Variants in WWOX observed in about 807,000 individuals in gnomAD.
WWOX encodes WW domain-containing oxidoreductase.
WWOX carries 69 observed loss-of-function variants against 46.2 expected under a neutral mutation model. The ratio of observed to expected loss-of-function variants is 1.49; its 90% CI spans 1.23 to 1.82. The LOEUF (loss-of-function observed/expected upper bound fraction) is 1.82, where lower values mean the gene tolerates loss of function less well. WWOX is among the 40% of genes most tolerant of loss of function. The pLI is 0.00. For missense variants in WWOX, 919 were observed against 542.6 expected (o/e 1.69, Z -6.89); for synonymous variants, 359 against 202.6 (o/e 1.77, Z -6.56).
chr16:78,823,908 T>C (rs1418825528), intron 8 of WWOX, among the ~76,000 whole-genome samples: 1 of 152,006 alleles, frequency 6.6e-6, no homozygotes, highest in Non-Finnish European at 1.5e-5. Flanking sequence ...CCCAAGTAGC[T>C]AGGACTACAG....
At chr16:78,795,492 C>G (rs1203507070) in intron 8 of WWOX, among the ~76,000 whole-genome samples, 2 of 121,770 alleles carry the variant, frequency 1.6e-5, no homozygotes, top group Non-Finnish European at 3.8e-5. Flanking sequence ...TCACAAGATC[C>G]TCTACATCAA....
chr16:78,626,093 T>C (rs964451118), intron 8 of WWOX, among the ~76,000 whole-genome samples: 8 of 152,048 alleles, frequency 5.3e-5, no homozygotes, highest in Non-Finnish European at 5.9e-5. Context: ...AATGACTTTT[T>C]TGTGTTCCAG....
At chr16:78,120,840 G>C (rs2033058924) in intron 4 of WWOX, among the ~76,000 whole-genome samples, 1 of 152,070 alleles carries the variant, frequency 6.6e-6, no homozygotes, top group South Asian at 2.1e-4. Flanking sequence ...TGTAGAGAAG[G>C]GTATTCATTC....
At chr16:78,820,596 A>G (rs527307816) in intron 8 of WWOX, among the ~76,000 whole-genome samples, 11 of 152,244 alleles carry the variant, frequency 7.2e-5, no homozygotes, top group South Asian at 2.1e-4. Context: ...TTGAAATATA[A>G]TGACAACCTT....
intron 8 of WWOX, among the ~76,000 whole-genome samples, chr16:79,144,192 A>C (rs926371017): frequency 6.6e-6 from 1 of 152,194 alleles, no homozygotes; most frequent in Non-Finnish European, 1.5e-5. Flanking sequence ...GAGCCACTGC[A>C]CACAGCCAAG....
At chr16:78,793,438 T>A (rs1489445929) in intron 8 of WWOX, among the ~76,000 whole-genome samples, 1 of 152,132 alleles carries the variant, frequency 6.6e-6, no homozygotes, top group Non-Finnish European at 1.5e-5. Context: ...AGAATACAAA[T>A]TGAACATTGA....
intron 8 of WWOX, among the ~76,000 whole-genome samples, chr16:78,966,761 A>T (rs1597215775): frequency 1.3e-5 from 2 of 152,206 alleles, no homozygotes; most frequent in African/African-American, 4.8e-5. Context: ...TATCACTGAA[A>T]ATGGAGGTCT....
chr16:78,191,279 G>C (rs1239413063), intron 5 of WWOX, among the ~76,000 whole-genome samples: 1 of 152,190 alleles, frequency 6.6e-6, no homozygotes, highest in Non-Finnish European at 1.5e-5. Context: ...CTGGTGAACA[G>C]GGTGCAGGCT....
chr16:79,088,669 C>T (rs980351034), intron 8 of WWOX, among the ~76,000 whole-genome samples: 3 of 152,132 alleles, frequency 2.0e-5, no homozygotes, highest in Admixed American at 6.5e-5. Flanking sequence ...AGGGGGGCTC[C>T]TTCTGTGGGT....
chr16:78,982,684 G>C (rs2046706605), intron 8 of WWOX, among the ~76,000 whole-genome samples: 1 of 152,144 alleles, frequency 6.6e-6, no homozygotes, highest in Admixed American at 6.5e-5. Flanking sequence ...TTTTAGACCG[G>C]GCTCCTCAAA....
chr16:78,529,865 C>G (rs1302849700), intron 8 of WWOX, among the ~76,000 whole-genome samples: 1 of 152,194 alleles, frequency 6.6e-6, no homozygotes, highest in African/African-American at 2.4e-5. Context: ...GTAGAATGCA[C>G]TGAAGCAAAA....
chr16:78,408,915 C>T (rs1301741322), intron 6 of WWOX, among the ~76,000 whole-genome samples: 2 of 151,864 alleles, frequency 1.3e-5, no homozygotes, highest in African/African-American at 2.4e-5. Flanking sequence ...AAGCAGGGAA[C>T]AGAAAGTACT....
chr16:78,903,749 T>C (rs2044887447), intron 8 of WWOX, among the ~76,000 whole-genome samples: 1 of 152,182 alleles, frequency 6.6e-6, no homozygotes, highest in Non-Finnish European at 1.5e-5. Flanking sequence ...TTATGCATAG[T>C]ACAGGAGCTC....
At chr16:78,200,636 G>C (rs1272611077) in intron 5 of WWOX, among the ~76,000 whole-genome samples, 34 of 149,244 alleles carry the variant, frequency 2.3e-4, no homozygotes, top group Non-Finnish European at 1.5e-5. Context: ...TGACTTCCTT[G>C]TTTTAGGCCC....
chr16:78,708,075 C>T (rs928992938), intron 8 of WWOX, among the ~76,000 whole-genome samples: 2 of 151,920 alleles, frequency 1.3e-5, no homozygotes, highest in African/African-American at 4.8e-5. Context: ...CTTATAATCC[C>T]AGCACCTTGG....
At chr16:78,673,492 AACTC>A (rs1315438535) in intron 8 of WWOX, among the ~76,000 whole-genome samples, 1 of 152,194 alleles carries the variant, frequency 6.6e-6, no homozygotes, top group Non-Finnish European at 1.5e-5. Context: ...GCTTCCAGGA[AACTC>A]ACAGACTAGT....
Position 78,945,922 on chromosome 16 carries a change from T to A in WWOX, c.1057-265686T>A, listed in dbSNP as rs188468272. On this transcript the variant is annotated intron_variant, in intron 8 of 8. Coordinates refer to ENST00000566780, the MANE Select transcript of WWOX (RefSeq NM_016373.4). ...TTGTGACCTTGAACATGTCAGTTCA[T>A]CTCACCACGTAGTCATTTTCTCATC... Among the ~76,000 whole-genome samples, 270 of 152,248 alleles carry A rather than the reference T, an allele frequency of 1.8e-3. 1 individual carries two copies. The highest frequency in any genetic ancestry group is 6.2e-3 in the African/African-American group (259 of 41,548).
At chr16:78,737,178 C>T (rs2049111640) in intron 8 of WWOX, among the ~76,000 whole-genome samples, 2 of 152,086 alleles carry the variant, frequency 1.3e-5, no homozygotes, top group Non-Finnish European at 2.9e-5. Context: ...CGGCTCACTA[C>T]AGCTTCCACC....
chr16:78,607,600 C>T (rs935059471), intron 8 of WWOX, among the ~76,000 whole-genome samples: 2 of 151,686 alleles, frequency 1.3e-5, no homozygotes, highest in Admixed American at 6.6e-5. Flanking sequence ...GAATGACCAT[C>T]CGAGGCATTC....
Sources: allele counts gnomAD v4.1 joint callset (sites outside exome capture counted in the v4.1 genomes callset), GRCh38; gene constraint gnomAD v4.1.1; transcripts MANE v1.5; gene names NCBI Gene and HGNC (gene_info 2026-07-23, HGNC 2026-07-21).